The following GALNT13 variants were observed in gnomAD, a reference collection of about 807,000 sequenced individuals.
The protein encoded by GALNT13 is polypeptide N-acetylgalactosaminyltransferase 13.
In GALNT13, 28 loss-of-function variants were observed where a neutral mutation model predicts 64.2. That is an observed-to-expected ratio of 0.44 (90% CI 0.32 to 0.60). GALNT13 has a LOEUF of 0.60. Ranked by LOEUF, GALNT13 falls within the 20% of genes least tolerant of loss-of-function variation. GALNT13 has a pLI of 0.05. For synonymous variants in GALNT13, 214 were observed against 224.6 expected (o/e 0.95, Z 0.42); for missense variants, 577 against 669.8 (o/e 0.86, Z 1.53).
chr2:153,654,663 A>G, the GALNT13 span, among the ~76,000 whole-genome samples: 1 of 152,156 alleles, frequency 6.6e-6, no homozygotes, highest in African/African-American at 2.4e-5. Flanking sequence ...TTAAAATCAT[A>G]CAAATAAAAA....
the GALNT13 span, among the ~76,000 whole-genome samples, chr2:153,850,005 CAAAAAAAAAAA>C: frequency 3.5e-5 from 3 of 84,726 alleles, no homozygotes; most frequent in African/African-American, 4.9e-5. Flanking sequence ...ACTAAAAATA[CAAAAAAAAAAA>C]AAAAAAAAAA....
intron 3 of GALNT13, among the ~76,000 whole-genome samples, chr2:153,981,106 A>G (rs899984895): frequency 2.0e-4 from 30 of 152,202 alleles, no homozygotes; most frequent in African/African-American, 7.2e-4. Context: ...AAAGGCAACT[A>G]TCATAATTAT....
chr2:154,166,804 A>T (rs1200339198), intron 4 of GALNT13, among the ~76,000 whole-genome samples: 7 of 152,244 alleles, frequency 4.6e-5, no homozygotes, highest in Non-Finnish European at 1.0e-4. Context: ...GCCATAAAAA[A>T]GGATGAGTTC....
chr2:154,128,576 G>T (rs1220426632), intron 3 of GALNT13, among the ~76,000 whole-genome samples: 1 of 152,062 alleles, frequency 6.6e-6, no homozygotes, highest in Non-Finnish European at 1.5e-5. Flanking sequence ...AAGATCAGCA[G>T]CTGGTTTATA....
the GALNT13 span, among the ~76,000 whole-genome samples, chr2:153,472,178 C>T: frequency 6.6e-6 from 1 of 152,088 alleles, no homozygotes; most frequent in South Asian, 2.1e-4. Context: ...ATCAATGACT[C>T]TTTCAGGGCA....
chr2:154,229,594 A>T (rs1324361641), intron 4 of GALNT13, among the ~76,000 whole-genome samples: 4 of 152,062 alleles, frequency 2.6e-5, no homozygotes, highest in African/African-American at 9.7e-5. Context: ...TTACTGGGAG[A>T]TGAGGAGAGG....
the GALNT13 span, among the ~76,000 whole-genome samples, chr2:153,543,590 G>A: frequency 2.0e-5 from 3 of 152,192 alleles, no homozygotes; most frequent in Non-Finnish European, 4.4e-5. Flanking sequence ...TTTCTCAGAA[G>A]AGGTGGTGGC....
chr2:154,071,460 A>G (rs1391530183), intron 3 of GALNT13, among the ~76,000 whole-genome samples: 1 of 152,146 alleles, frequency 6.6e-6, no homozygotes, highest in Non-Finnish European at 1.5e-5. Context: ...GACAGAAAAA[A>G]CATACATGCA....
chr2:153,276,510 C>A, the GALNT13 span, among the ~76,000 whole-genome samples: 2 of 151,954 alleles, frequency 1.3e-5, no homozygotes, highest in South Asian at 4.2e-4. Context: ...TATTGAATCA[C>A]TTCTCCTTTT....
chr2:153,689,587 T>C, the GALNT13 span, among the ~76,000 whole-genome samples: 1 of 152,112 alleles, frequency 6.6e-6, no homozygotes, highest in Non-Finnish European at 1.5e-5. Flanking sequence ...TCTATAACAC[T>C]ATGAATTAGA....
At chr2:153,216,091 G>A in the GALNT13 span, among the ~76,000 whole-genome samples, 1 of 151,884 alleles carries the variant, frequency 6.6e-6, no homozygotes, top group African/African-American at 2.4e-5. Flanking sequence ...TATGTACTTT[G>A]GTTGGACCTC....
At chr2:153,363,484 C>T in the GALNT13 span, among the ~76,000 whole-genome samples, 1 of 151,984 alleles carries the variant, frequency 6.6e-6, no homozygotes, top group African/African-American at 2.4e-5. Flanking sequence ...AAATAGACCA[C>T]TAGCTTGACT....
At chr2:153,865,005 GCCTA>G in the GALNT13 span, among the ~76,000 whole-genome samples, 4 of 149,518 alleles carry the variant, frequency 2.7e-5, no homozygotes, top group East Asian at 7.8e-4. Context: ...AAATAACGCC[GCCTA>G]CCTACAACTA....
chr2:153,700,250 A>G, the GALNT13 span, among the ~76,000 whole-genome samples: 2 of 152,228 alleles, frequency 1.3e-5, no homozygotes, highest in Non-Finnish European at 2.9e-5. Context: ...AAACCGCATG[A>G]TTATCTCAAT....
chr2:153,369,184 C>T, the GALNT13 span, among the ~76,000 whole-genome samples: 1 of 151,818 alleles, frequency 6.6e-6, no homozygotes, highest in East Asian at 1.9e-4. Context: ...TTAGAAAAAA[C>T]AAGTATGGAA....
At chr2:153,192,726 C>T in the GALNT13 span, among the ~76,000 whole-genome samples, 1 of 151,982 alleles carries the variant, frequency 6.6e-6, no homozygotes, top group African/African-American at 2.4e-5. Context: ...GGTTGAATTG[C>T]TCCCTTTGTC....
At chr2:153,616,063 T>A in the GALNT13 span, among the ~76,000 whole-genome samples, 1 of 152,148 alleles carries the variant, frequency 6.6e-6, no homozygotes. Flanking sequence ...CTTCATAGGC[T>A]GCGGTCTTAT....
intron 8 of GALNT13, among the ~76,000 whole-genome samples, chr2:154,280,038 T>C (rs1005787379): frequency 6.6e-6 from 1 of 152,170 alleles, no homozygotes; most frequent in Non-Finnish European, 1.5e-5. Flanking sequence ...AAGTACTTAT[T>C]TGAAGCAAAA....
chr2:153,132,072 T>G, the GALNT13 span, among the ~76,000 whole-genome samples: 5 of 152,172 alleles, frequency 3.3e-5, no homozygotes, highest in African/African-American at 4.8e-5. Flanking sequence ...GCCAGCTTTG[T>G]GTATGTGGAT....
Sources: allele counts gnomAD v4.1 joint callset (sites outside exome capture counted in the v4.1 genomes callset), GRCh38; gene constraint gnomAD v4.1.1; transcripts MANE v1.5; gene names NCBI Gene and HGNC (gene_info 2026-07-23, HGNC 2026-07-21).